Variants in GPR141 observed in about 807,000 individuals in gnomAD.
GPR141 encodes G protein-coupled receptor 141.
GPR141 carries 6 observed loss-of-function variants against 6.8 expected under a neutral mutation model. That is an observed-to-expected ratio of 0.88 (90% CI 0.48 to 1.74). The LOEUF is 1.74. GPR141 is among the 40% of genes most tolerant of loss of function. The pLI is 0.01. For synonymous variants in GPR141, 140 were observed against 142.3 expected (o/e 0.98, Z 0.11); for missense variants, 372 against 372.9 (o/e 1.00, Z 0.02).
Position 37,740,710 on chromosome 7 carries a change from A to C in GPR141, c.317A>C (p.Tyr106Ser), listed in dbSNP as rs776331619. ...HIHMYLTFLF[Y>S]VVILVTRYLI... ...CACATGTACCTCACGTTCCTATTCT[A>C]TGTGGTGATCCTGGTCACCAGATAC... Residue 106 changes from tyrosine (Y) to serine (S), a missense_variant, in exon 3 of 3, where the codon TAT (tyrosine) becomes TCT (serine). Transcript: ENST00000334425. 4 of 1,614,034 alleles carry C rather than the reference A, an allele frequency of 2.5e-6. No homozygotes were observed. The highest frequency in any genetic ancestry group is 3.4e-6 in the Non-Finnish European group (4 of 1,179,982).
chr7:37,704,031 A>C (rs1008428275), intron 2 of GPR141, among the ~76,000 whole-genome samples: 2 of 152,176 alleles, frequency 1.3e-5, no homozygotes, highest in Non-Finnish European at 2.9e-5. Flanking sequence ...TCTGCCAGAT[A>C]CCCAGAAACC....
At chr7:37,695,214 T>TG (rs1458102094) in intron 2 of GPR141, among the ~76,000 whole-genome samples, 1 of 152,134 alleles carries the variant, frequency 6.6e-6, no homozygotes, top group African/African-American at 2.4e-5. Context: ...GGCCACAGAA[T>TG]GGGGGTGGTT....
Position 37,740,733 on chromosome 7 carries a change from T to C in GPR141, c.340T>C (p.Tyr114His). The change falls in exon 3 of 3, where the codon TAC (tyrosine) becomes CAC (histidine). Residue 114 changes from tyrosine to histidine, a missense_variant. By Grantham distance (83) the Tyr-to-His change is moderately conservative. Coordinates refer to ENST00000334425, the MANE Select transcript of GPR141 (RefSeq NM_001381946.1). ...LFYVVILVTR[Y>H]LIFFKCKDKV... is the part of the protein sequence containing the mutation. ...CTATGTGGTGATCCTGGTCACCAGATACCTCATCTTCTTCAAGTGCAAAGA... is the reference window on the plus strand; with the variant it reads ...CTATGTGGTGATCCTGGTCACCAGACACCTCATCTTCTTCAAGTGCAAAGA... 1.2e-6 allele frequency: 2 copies of C among 1,614,156 alleles called. No homozygotes were observed. The highest frequency in any genetic ancestry group is 1.7e-6 in the Non-Finnish European group (2 of 1,179,980).
chr7:37,734,651 C>T (rs748563856), intron 2 of GPR141, among the ~76,000 whole-genome samples: 12 of 152,154 alleles, frequency 7.9e-5, no homozygotes, highest in Non-Finnish European at 1.3e-4. Context: ...AAGAGAAGGT[C>T]AGATAGATCT....
At chr7:37,685,320 C>G (rs867044147) in intron 1 of GPR141, 140 bp from the exon 2 acceptor site, 2 of 152,062 alleles carry the variant, frequency 1.3e-5, no homozygotes, top group African/African-American at 4.8e-5. Flanking sequence ...TTTTTCTTTT[C>G]TTCCTTTTGT....
chr7:37,692,126 C>T (rs1714075879), intron 2 of GPR141, among the ~76,000 whole-genome samples: 1 of 152,070 alleles, frequency 6.6e-6, no homozygotes, highest in Non-Finnish European at 1.5e-5. Context: ...AGGTATTTCT[C>T]CTAACGCTAT....
At chr7:37,718,661 A>T (rs1044134543) in intron 2 of GPR141, among the ~76,000 whole-genome samples, 1 of 152,238 alleles carries the variant, frequency 6.6e-6, no homozygotes, top group Non-Finnish European at 1.5e-5. Flanking sequence ...AGCTATCCTC[A>T]TTTATGGAGA....
intron 2 of GPR141, among the ~76,000 whole-genome samples, chr7:37,726,687 A>G (rs2131831507): frequency 1.3e-5 from 2 of 152,312 alleles, no homozygotes; most frequent in Non-Finnish European, 2.9e-5. Context: ...TTATCCTTAT[A>G]GTATGTGGTG....
intron 2 of GPR141, among the ~76,000 whole-genome samples, chr7:37,687,501 A>G (rs1190740229): frequency 1.3e-5 from 2 of 152,128 alleles, no homozygotes; most frequent in Non-Finnish European, 2.9e-5. Flanking sequence ...GTATCACTCT[A>G]TATTAAATAG....
intron 2 of GPR141, among the ~76,000 whole-genome samples, chr7:37,715,704 A>T (rs1811015683): frequency 6.6e-6 from 1 of 152,132 alleles, no homozygotes. Flanking sequence ...TTCCTTTCAT[A>T]TTAAAACACT....
chr7:37,713,520 G>A (rs1047884931), intron 2 of GPR141: 39 of 152,078 alleles, frequency 2.6e-4, no homozygotes, highest in African/African-American at 9.4e-4. Flanking sequence ...ATCCAAATCT[G>A]ATTGGTGTTA....
intron 2 of GPR141, among the ~76,000 whole-genome samples, chr7:37,710,740 GTTA>G (rs1164733182): frequency 6.6e-6 from 1 of 152,092 alleles, no homozygotes; most frequent in Non-Finnish European, 1.5e-5. Flanking sequence ...AACTCTGATG[GTTA>G]TTATTTCTGG....
At chr7:37,733,453 C>T (rs186790704) in intron 2 of GPR141, among the ~76,000 whole-genome samples, 1 of 152,078 alleles carries the variant, frequency 6.6e-6, no homozygotes, top group Non-Finnish European at 1.5e-5. Context: ...GGGTGGATCA[C>T]CTGAGGTCAG....
At chr7:37,697,294 G>C (rs1810065389) in intron 2 of GPR141, among the ~76,000 whole-genome samples, 1 of 152,154 alleles carries the variant, frequency 6.6e-6, no homozygotes, top group African/African-American at 2.4e-5. Flanking sequence ...GAAAAACAGA[G>C]TGATTAGATA....
chr7:37,700,960 T>G (rs768466481), intron 2 of GPR141, among the ~76,000 whole-genome samples: 31 of 152,228 alleles, frequency 2.0e-4, no homozygotes, highest in Non-Finnish European at 3.5e-4. Context: ...TTGTGTCTGA[T>G]TAACCTGAGC....
In GPR141 at chr7:37,742,234, C is replaced by T. The variant is rs530929038; in HGVS notation, c.*923C>T. 1.6e-4 allele frequency among the ~76,000 whole-genome samples: 25 copies of T among 151,814 alleles called. No homozygotes were observed. The highest frequency in any genetic ancestry group is 2.6e-4 in the Non-Finnish European group (18 of 67,936). On this transcript the variant is annotated 3_prime_UTR_variant, in exon 3 of 3. Coordinates refer to ENST00000334425, the MANE Select transcript of GPR141 (RefSeq NM_001381946.1). ...TGAAATCTTTAGAGCTCCCTTCCGC[C>T]GTTAAAATTATATATATATATATTT...
At chr7:37,695,508 C>A (rs928198467) in intron 2 of GPR141, among the ~76,000 whole-genome samples, 6 of 152,160 alleles carry the variant, frequency 3.9e-5, no homozygotes, top group African/African-American at 1.4e-4. Flanking sequence ...CTCTTGCTCA[C>A]CTTTCTGACA....
At position 37,743,276 on chromosome 7, in the gene GPR141, G is replaced by T. The variant is rs1214974141; in HGVS notation, c.*1965G>T. On this transcript the variant is annotated 3_prime_UTR_variant, in exon 3 of 3. Coordinates refer to ENST00000334425, the MANE Select transcript of GPR141 (RefSeq NM_001381946.1). ...TCAGATGAATAAGAAATACCTCTGT[G>T]AATTTCTGTGACCACTAAAATTACT... is the stretch of plus-strand genomic sequence containing the variant. 6.6e-6 allele frequency among the ~76,000 whole-genome samples: 1 copy of T among 152,050 alleles called. No individual in the cohort carries two copies. Among genetic ancestry groups the T allele is most frequent in the Non-Finnish European group, 1.5e-5 (1 of 68,014 alleles).
intron 2 of GPR141, among the ~76,000 whole-genome samples, chr7:37,687,892 C>A (rs528058078): frequency 6.6e-6 from 1 of 152,212 alleles, no homozygotes; most frequent in South Asian, 2.1e-4. Flanking sequence ...TGTGACAAAG[C>A]TATTTTTGGA....
Sources: gnomAD v4.1 joint callset for allele counts (sites outside exome capture counted in the v4.1 genomes callset) on GRCh38, gnomAD v4.1.1 for gene constraint, MANE v1.5 for transcripts, NCBI Gene and HGNC (gene_info 2026-07-23, HGNC 2026-07-21) for gene names.